The following PDE3A variants were observed in gnomAD, a reference collection of about 807,000 sequenced individuals.
PDE3A encodes the protein cGMP-inhibited 3',5'-cyclic phosphodiesterase 3A.
PDE3A carries 43 observed loss-of-function variants against 98.3 expected under a neutral mutation model. The observed-to-expected ratio is 0.44, with a 90% confidence interval of 0.34 to 0.56. The LOEUF (loss-of-function observed/expected upper bound fraction) is 0.56, where lower values mean the gene tolerates loss of function less well. Ranked by LOEUF, PDE3A falls within the 20% of genes least tolerant of loss-of-function variation. PDE3A has a pLI of 0.01. For synonymous variants in PDE3A, 663 were observed against 567.9 expected, an observed-to-expected ratio of 1.17 and a Z score of -2.38; for missense variants, 1,427 against 1,440.7, an observed-to-expected ratio of 0.99 and a Z score of 0.15.
chr12:20,477,399 G>A (rs1001030330), intron 1 of PDE3A, among the ~76,000 whole-genome samples: 2 of 152,168 alleles, frequency 1.3e-5, no homozygotes, highest in African/African-American at 4.8e-5. Context: ...GAATTATCAT[G>A]CAGTTTGCAA....
chr12:20,625,659 A>G (rs1944245370), intron 5 of PDE3A, among the ~76,000 whole-genome samples: 1 of 152,184 alleles, frequency 6.6e-6, no homozygotes, highest in Non-Finnish European at 1.5e-5. Flanking sequence ...TTATAGCACA[A>G]AACAGATGGA....
intron 2 of PDE3A, among the ~76,000 whole-genome samples, chr12:20,567,873 A>G (rs980449140): frequency 6.6e-6 from 1 of 151,996 alleles, no homozygotes; most frequent in African/African-American, 2.4e-5. Context: ...ACTGTTTTTT[A>G]TGTTTTGGTC....
chr12:20,585,414 G>A lies in PDE3A; in HGVS notation c.1012-28029G>A, dbSNP rs77886292. Among the ~76,000 whole-genome samples the A allele has an allele frequency of 6.8e-3, 1,028 of 152,254 alleles. 7 individuals carry two copies. The highest frequency in any genetic ancestry group is 0.023 in the African/African-American group (968 of 41,554). On this transcript the variant is annotated intron_variant, in intron 2 of 15. Coordinates refer to ENST00000359062, the MANE Select transcript of PDE3A (RefSeq NM_000921.5). ...AAGATTCACACAGTTTCAACAATAG[G>A]TTATTCATTTTCTTGCCTTCTCTTC...
chr12:20,461,513 A>G (rs1054052291), intron 1 of PDE3A, among the ~76,000 whole-genome samples: 59 of 152,194 alleles, frequency 3.9e-4, no homozygotes, highest in Admixed American at 2.2e-3. Context: ...AAGCAGTAAT[A>G]TATATAGCAC....
intron 10 of PDE3A, among the ~76,000 whole-genome samples, chr12:20,645,499 G>A (rs1174431794): frequency 6.6e-6 from 1 of 151,644 alleles, no homozygotes; most frequent in Non-Finnish European, 1.5e-5. Context: ...TCTTATACTA[G>A]AGAAGGAAAC....
intron 1 of PDE3A, among the ~76,000 whole-genome samples, chr12:20,438,207 A>C (rs1002474542): frequency 2.6e-5 from 4 of 152,100 alleles, no homozygotes; most frequent in African/African-American, 9.7e-5. Flanking sequence ...CTTTTAAGGA[A>C]GCTCCTAAGT....
intron 1 of PDE3A, among the ~76,000 whole-genome samples, chr12:20,393,279 C>A (rs1943952043): frequency 6.6e-6 from 1 of 151,884 alleles, no homozygotes; most frequent in Admixed American, 6.6e-5. Context: ...GGGACCAAGT[C>A]ACATCTTACA....
chr12:20,511,591 A>C (rs543037767), intron 1 of PDE3A, among the ~76,000 whole-genome samples: 1 of 152,254 alleles, frequency 6.6e-6, no homozygotes, highest in South Asian at 2.1e-4. Context: ...TCCTGTACTA[A>C]TAGAAATGAT....
chr12:20,499,692 T>A (rs1452019141), intron 1 of PDE3A, among the ~76,000 whole-genome samples: 1 of 152,180 alleles, frequency 6.6e-6, no homozygotes. Context: ...TCTTGTTATT[T>A]TATTGAAGTA....
intron 1 of PDE3A, among the ~76,000 whole-genome samples, chr12:20,383,347 T>C (rs1229192531): frequency 1.3e-5 from 2 of 151,966 alleles, no homozygotes; most frequent in Non-Finnish European, 2.9e-5. Context: ...TCTCATTATA[T>C]ACCAGTGGTG....
intron 2 of PDE3A, among the ~76,000 whole-genome samples, chr12:20,576,055 T>C (rs1437312399): frequency 1.3e-5 from 2 of 152,026 alleles, no homozygotes; most frequent in African/African-American, 4.8e-5. Context: ...GTACATGAAA[T>C]ATTTTGATAT....
At chr12:20,659,342 CAAAAT>C (rs1464297267) in intron 15 of PDE3A, among the ~76,000 whole-genome samples, 1 of 152,038 alleles carries the variant, frequency 6.6e-6, no homozygotes, top group Non-Finnish European at 1.5e-5. Context: ...TGCAGTATAT[CAAAAT>C]AAAACTGTTA....
At chr12:20,422,175 T>C (rs1944526985) in intron 1 of PDE3A, among the ~76,000 whole-genome samples, 1 of 151,936 alleles carries the variant, frequency 6.6e-6, no homozygotes, top group Non-Finnish European at 1.5e-5. Flanking sequence ...TGAAACTCCA[T>C]CTCTACTAAA....
At chr12:20,565,566 G>T (rs1942635565) in intron 2 of PDE3A, among the ~76,000 whole-genome samples, 1 of 151,926 alleles carries the variant, frequency 6.6e-6, no homozygotes, top group Non-Finnish European at 1.5e-5. Flanking sequence ...GTAGGTAAAG[G>T]TGATATAGGG....
chr12:20,567,079 A>G (rs1246586384), intron 2 of PDE3A, among the ~76,000 whole-genome samples: 1 of 152,034 alleles, frequency 6.6e-6, no homozygotes, highest in Non-Finnish European at 1.5e-5. Flanking sequence ...GAAATACAGC[A>G]TGACTTCAAA....
chr12:20,627,350 C>T (rs1010555622), intron 5 of PDE3A, among the ~76,000 whole-genome samples: 3 of 151,982 alleles, frequency 2.0e-5, no homozygotes, highest in Admixed American at 6.5e-5. Context: ...AAAACTTTGC[C>T]CTGGCCCTAC....
At chr12:20,421,497 T>A (rs1249799685) in intron 1 of PDE3A, among the ~76,000 whole-genome samples, 1 of 152,076 alleles carries the variant, frequency 6.6e-6, no homozygotes, top group Non-Finnish European at 1.5e-5. Flanking sequence ...ATTTAACAAT[T>A]ATGTTGCCAT....
intron 2 of PDE3A, among the ~76,000 whole-genome samples, chr12:20,557,917 A>C (rs1653479476): frequency 6.6e-6 from 1 of 152,140 alleles, no homozygotes; most frequent in Non-Finnish European, 1.5e-5. Flanking sequence ...AAGGTCAGTA[A>C]TGAAGGGATT....
At position 20,613,327 on chromosome 12, in the gene PDE3A, C is replaced by T. The variant is rs142533683; in HGVS notation, c.1012-116C>T. The T allele has an allele frequency of 7.0e-4, 668 of 949,786 alleles. 2 individuals carry two copies. In the African/African-American group the frequency reaches 9.7e-3, roughly 14 times the overall value. The allele number at this position is 949,786 out of a possible 1,614,324, so 58.8% of individuals were successfully genotyped here. On this transcript the variant is annotated intron_variant, in intron 2 of 15. Coordinates refer to ENST00000359062, the MANE Select transcript of PDE3A (RefSeq NM_000921.5). ...AATAGGTGGTGTGAATTTTACTGTA[C>T]TGAAATCCTAAAGAATCAGCCCAAT...
Sources: allele counts gnomAD v4.1 joint callset (sites outside exome capture counted in the v4.1 genomes callset), GRCh38; gene constraint gnomAD v4.1.1; transcripts MANE v1.5; gene names NCBI Gene and HGNC (gene_info 2026-07-23, HGNC 2026-07-21).